GDPD4: variants seen among roughly 807,000 people sequenced by gnomAD.
GDPD4 encodes the protein glycerophosphodiester phosphodiesterase 6.
A neutral mutation model predicts 67.8 loss-of-function variants in GDPD4; 60 were observed. The ratio of observed to expected loss-of-function variants is 0.88; its 90% CI spans 0.72 to 1.10. The LOEUF is 1.10. GDPD4 is among the 50% of genes least tolerant of loss of function. The pLI is 0.00. For synonymous variants in GDPD4, 212 were observed against 210.9 expected, an observed-to-expected ratio of 1.00 and a Z score of -0.04; for missense variants, 623 against 613.9, an observed-to-expected ratio of 1.01 and a Z score of -0.16.
At chr11:77,297,578 C>T (rs1173708842) in intron 1 of GDPD4, among the ~76,000 whole-genome samples, 1 of 151,592 alleles carries the variant, frequency 6.6e-6, no homozygotes, top group Non-Finnish European at 1.5e-5. Context: ...GAGCTCCTTG[C>T]CTAGGTTTCA....
At chr11:77,272,772 C>T (rs990653765) in intron 5 of GDPD4, among the ~76,000 whole-genome samples, 23 of 150,506 alleles carry the variant, frequency 1.5e-4, no homozygotes, top group Non-Finnish European at 2.2e-4. Flanking sequence ...TGAGACTCTG[C>T]CTCAAAAAAA....
intron 12 of GDPD4, among the ~76,000 whole-genome samples, chr11:77,244,159 G>A (rs1276271051): frequency 6.6e-6 from 1 of 152,202 alleles, no homozygotes; most frequent in Admixed American, 6.5e-5. Flanking sequence ...GGGACTACAG[G>A]CGCCCGCTAC....
intron 11 of GDPD4, among the ~76,000 whole-genome samples, chr11:77,248,480 G>A (rs530796248): frequency 8.5e-5 from 13 of 152,070 alleles, no homozygotes; most frequent in African/African-American, 2.4e-4. Context: ...GATTGCAGGC[G>A]TGAGCCACCA....
At chr11:77,257,499 T>C (rs1269632581) in intron 11 of GDPD4, among the ~76,000 whole-genome samples, 1 of 135,394 alleles carries the variant, frequency 7.4e-6, no homozygotes, top group Non-Finnish European at 1.7e-5. Flanking sequence ...GCTCATCTAC[T>C]TCCTACCCCT....
chr11:77,223,968 G>C (rs556779857), intron 16 of GDPD4, among the ~76,000 whole-genome samples: 1 of 152,234 alleles, frequency 6.6e-6, no homozygotes, highest in Non-Finnish European at 1.5e-5. Context: ...CTAGTGGTGA[G>C]CAAGGCTCTG....
At chr11:77,247,988 T>A (rs1222659113) in intron 11 of GDPD4, among the ~76,000 whole-genome samples, 1 of 144,814 alleles carries the variant, frequency 6.9e-6, no homozygotes, top group Non-Finnish European at 1.5e-5. Context: ...GAGGCAGAGG[T>A]TGCGGTGAGC....
intron 5 of GDPD4, among the ~76,000 whole-genome samples, chr11:77,274,961 C>A (rs548753159): frequency 3.3e-5 from 5 of 152,136 alleles, no homozygotes; most frequent in Admixed American, 1.3e-4. Flanking sequence ...AGAGTAAGTT[C>A]TAATGTTTGA....
intron 13 of GDPD4, among the ~76,000 whole-genome samples, chr11:77,240,337 C>T (rs1315083735): frequency 6.6e-6 from 1 of 152,042 alleles, no homozygotes. Context: ...AAATTCAAAT[C>T]GTTATAGTTA....
At chr11:77,240,032 T>A (rs1307834881) in intron 13 of GDPD4, among the ~76,000 whole-genome samples, 1 of 151,952 alleles carries the variant, frequency 6.6e-6, no homozygotes, top group Non-Finnish European at 1.5e-5. Context: ...GTTTATGGAT[T>A]GAAAGACTTA....
rs111790352 is a variant in GDPD4 at position 77,256,836 on chromosome 11, C to T, written c.864+1550G>A. Among the ~76,000 whole-genome samples the T allele has an allele frequency of 9.5e-4, 144 of 152,242 alleles. 1 individual carries two copies. Among genetic ancestry groups the T allele is most frequent in the Middle Eastern group, 3.4e-3 (1 of 294 alleles). ...GAGTAAAAGCTTCCTCACCAGAAGC[C>T]GAGCAGATGCTGGTATCATGCTTGT... On this transcript the variant is annotated intron_variant, in intron 11 of 16. Transcript: ENST00000315938.
At chr11:77,238,312 G>A (rs982740700) in intron 13 of GDPD4, among the ~76,000 whole-genome samples, 8 of 152,114 alleles carry the variant, frequency 5.3e-5, no homozygotes, top group Non-Finnish European at 1.0e-4. Context: ...GGCTGGGCGT[G>A]GTGGCTCATG....
At chr11:77,234,729 T>C (rs2135832671) in intron 13 of GDPD4, among the ~76,000 whole-genome samples, 1 of 152,354 alleles carries the variant, frequency 6.6e-6, no homozygotes, top group Non-Finnish European at 1.5e-5. Context: ...TGTCACATTT[T>C]CTTTATCCAG....
intron 10 of GDPD4, among the ~76,000 whole-genome samples, chr11:77,265,608 C>A (rs1959174514): frequency 6.6e-6 from 1 of 152,122 alleles, no homozygotes; most frequent in African/African-American, 2.4e-5. Context: ...AGGAAACTGA[C>A]ACTGATAAAA....
chr11:77,276,260 C>A, intron 4 of GDPD4, 40 bp from the exon 5 acceptor site: 1 of 1,523,820 alleles, frequency 6.6e-7, no homozygotes, highest in South Asian at 1.1e-5. Flanking sequence ...ATTTTGAAAT[C>A]ACCAAGTTGC....
intron 1 of GDPD4, among the ~76,000 whole-genome samples, chr11:77,289,966 A>G (rs566193033): frequency 7.2e-5 from 11 of 152,208 alleles, no homozygotes; most frequent in African/African-American, 2.6e-4. Flanking sequence ...GAGGTGGGGA[A>G]AAGCATCGAA....
Position 77,216,585 on chromosome 11 carries a change from GCA to G in GDPD4, c.*690_*691del, listed in dbSNP as rs1958124602. The G allele has an allele frequency of 2.4e-5, 7 of 295,558 alleles. No homozygotes were observed. In the East Asian group the frequency reaches 4.0e-4, roughly 17 times the overall value. The allele number at this position is 295,558 out of a possible 1,614,324, so 18.3% of individuals were successfully genotyped here. ...CCTGAGAGGTTGCCTTTACTTATATGCACAGTCACTCCTTTAGCAGAAAATAT... is the reference window on the plus strand; with the variant it reads ...CCTGAGAGGTTGCCTTTACTTATATGCAGTCACTCCTTTAGCAGAAAATAT... On this transcript the variant is annotated 3_prime_UTR_variant, in exon 17 of 17. Coordinates refer to ENST00000315938, the MANE Select transcript of GDPD4 (RefSeq NM_182833.3).
chr11:77,235,007 C>CTTTTTT (rs1406558580), intron 13 of GDPD4, among the ~76,000 whole-genome samples: 1 of 32,918 alleles, frequency 3.0e-5, no homozygotes, highest in African/African-American at 9.2e-5. Flanking sequence ...TTGTCAATAT[C>CTTTTTT]TGTTTTTTTT....
rs752488240 is a variant in GDPD4, at chr11:77,269,067, G to GC, written c.480_481insG (p.Leu161AlafsTer44). 3.1e-6 allele frequency: 5 copies of GC among 1,612,038 alleles called. No homozygotes were observed. In the African/African-American group the frequency reaches 6.7e-5, roughly 22 times the overall value. On this transcript the variant is annotated frameshift_variant and splice_region_variant, in exon 9 of 17. Coordinates refer to ENST00000315938, the MANE Select transcript of GDPD4 (RefSeq NM_182833.3). LOFTEE classifies it high-confidence loss of function. ...AAGGGTAATCCAACAGGCACTTGTAGACCTGAAAAATTTGAAAGGAAGGGG... is the reference window on the plus strand; with the variant it reads ...AAGGGTAATCCAACAGGCACTTGTAGCACCTGAAAAATTTGAAAGGAAGGGG...
At chr11:77,297,391 C>T (rs187153810) in intron 1 of GDPD4, among the ~76,000 whole-genome samples, 5 of 152,014 alleles carry the variant, frequency 3.3e-5, no homozygotes, top group Non-Finnish European at 5.9e-5. Context: ...AAAAAATTAG[C>T]CAGGCGCGGT....
Sources: gnomAD v4.1 joint callset for allele counts (sites outside exome capture counted in the v4.1 genomes callset) on GRCh38, gnomAD v4.1.1 for gene constraint, MANE v1.5 for transcripts, NCBI Gene and HGNC (gene_info 2026-07-23, HGNC 2026-07-21) for gene names.